Variants in SNX1 observed in about 807,000 individuals in gnomAD.
The protein encoded by SNX1 is sorting nexin-1.
A neutral mutation model predicts 71.8 loss-of-function variants in SNX1; 36 were observed. The ratio of observed to expected loss-of-function variants is 0.50; its 90% confidence interval spans 0.38 to 0.66. SNX1 has a LOEUF of 0.66. Ranked by LOEUF, SNX1 falls within the 30% of genes least tolerant of loss-of-function variation. The pLI, the probability that SNX1 is intolerant of heterozygous loss-of-function variation, is 0.00. For synonymous variants in SNX1, 254 were observed against 240.7 expected (o/e 1.06, Z -0.51); for missense variants, 612 against 646.7 (o/e 0.95, Z 0.58).
chr15:64,127,274 T>C, intron 7 of SNX1, 22 bp downstream of exon 7: 1 of 1,583,580 alleles, frequency 6.3e-7, no homozygotes, highest in Non-Finnish European at 8.6e-7. Context: ...GCAGCCATTT[T>C]CCTGAATAAT....
intron 3 of SNX1, 87 bp from the exon 4 acceptor site, chr15:64,118,701 A>G: frequency 1.1e-6 from 1 of 948,202 alleles, no homozygotes; most frequent in Non-Finnish European, 1.7e-6. Flanking sequence ...TCTTGATTTT[A>G]TTAGATTGGT....
intron 1 of SNX1, among the ~76,000 whole-genome samples, chr15:64,101,615 T>C (rs985239586): frequency 3.9e-5 from 6 of 152,250 alleles, no homozygotes; most frequent in African/African-American, 1.4e-4. Context: ...CTTTTGGATA[T>C]ATATCCAGAA....
intron 4 of SNX1, among the ~76,000 whole-genome samples, chr15:64,120,062 G>A (rs2140146504): frequency 6.6e-6 from 1 of 152,236 alleles, no homozygotes; most frequent in South Asian, 2.1e-4. Flanking sequence ...TACCAAGCTT[G>A]CAAGAGTTAT....
intron 1 of SNX1, among the ~76,000 whole-genome samples, chr15:64,100,126 T>C (rs1462142061): frequency 1.3e-5 from 2 of 152,238 alleles, no homozygotes; most frequent in Non-Finnish European, 2.9e-5. Flanking sequence ...AAGTTAAAAC[T>C]AATTTATGGT....
rs1239866328 is a variant in SNX1 at position 64,137,836 on chromosome 15, A to T, written c.*218A>T. 7.1e-7 allele frequency: 1 copy of T among 1,415,772 alleles called. No homozygotes were observed. Among genetic ancestry groups the T allele is most frequent in the Non-Finnish European group, 9.2e-7 (1 of 1,088,020 alleles). The allele number at this position is 1,415,772 out of a possible 1,614,324, so 87.7% of individuals were successfully genotyped here. ...AAGAGAATAGTTTCCTGCTTTAAGC[A>T]AAAGACCTACAATAGGTGGTGGAAT... On this transcript the variant is annotated 3_prime_UTR_variant, in exon 15 of 15. Coordinates refer to ENST00000559844, the MANE Select transcript of SNX1 (RefSeq NM_003099.5).
At position 64,117,291 on chromosome 15, in the gene SNX1, G is replaced by A. The variant is rs2081139603; in HGVS notation, c.272-826G>A. ...TTTTTTGGAGACAGAGTCTCCCTCTGTTGCCCAGGCTGAAGTGCAGTGGCG... is the reference window on the plus strand; with the variant it reads ...TTTTTTGGAGACAGAGTCTCCCTCTATTGCCCAGGCTGAAGTGCAGTGGCG... On this transcript the variant is annotated intron_variant, in intron 2 of 14. Coordinates refer to ENST00000559844, the MANE Select transcript of SNX1 (RefSeq NM_003099.5). Among the ~76,000 whole-genome samples the A allele has an allele frequency of 2.0e-5, 3 of 152,006 alleles. No homozygotes were observed. In the South Asian group the frequency reaches 6.2e-4, roughly 32 times the overall value.
Position 64,127,379 on chromosome 15 carries a change from C to A in SNX1, c.731+127C>A, listed in dbSNP as rs866493088. ...GTGAATAAATTGAAGTTGCACACCT[C>A]CATATTATCTCTTAACTTTTCCTGA... On this transcript the variant is annotated intron_variant, in intron 7 of 14. Coordinates refer to ENST00000559844, the MANE Select transcript of SNX1 (RefSeq NM_003099.5). 1.0e-4 allele frequency: 72 copies of A among 711,610 alleles called. No homozygotes were observed. In the African/African-American group the frequency reaches 1.2e-3, roughly 12 times the overall value. The allele number at this position is 711,610 out of a possible 1,614,324, so 44.1% of individuals were successfully genotyped here.
rs1233558365 is a variant in SNX1, at chr15:64,138,240, G to A, written c.*622G>A. ...GTATTCCCACTTCTTTAGGGAAGGA[G>A]TTTTAAAAACATCTCTTAAAATAAG... On this transcript the variant is annotated 3_prime_UTR_variant, in exon 15 of 15. Coordinates refer to ENST00000559844, the MANE Select transcript of SNX1 (RefSeq NM_003099.5). The A allele has an allele frequency of 7.6e-6, 11 of 1,443,898 alleles. No homozygotes were observed. The Admixed American group carries it at 3.2e-4, about 42-fold the overall frequency. The allele number at this position is 1,443,898 out of a possible 1,614,324, so 89.4% of individuals were successfully genotyped here.
chr15:64,143,742 TATAAG>T lies in SNX1; in HGVS notation c.*6125_*6129del, dbSNP rs1191467635. On this transcript the variant is annotated 3_prime_UTR_variant, in exon 15 of 15. Transcript: ENST00000559844. ...CATTTTCCAATGCCCTAGATGGGAATATAAGTGTAAGGAGATGTGAAGCATTTGCC... is the reference window on the plus strand; with the variant it reads ...CATTTTCCAATGCCCTAGATGGGAATTGTAAGGAGATGTGAAGCATTTGCC... 6.6e-6 allele frequency: 1 copy of T among 152,204 alleles called. No individual in the cohort carries two copies. The highest frequency in any genetic ancestry group is 1.5e-5 in the Non-Finnish European group (1 of 68,034). The allele number at this position is 152,204 out of a possible 1,614,324, so 9.4% of individuals were successfully genotyped here.
chr15:64,133,416 T>A (rs1036112333), intron 11 of SNX1, among the ~76,000 whole-genome samples: 2 of 152,228 alleles, frequency 1.3e-5, no homozygotes, highest in African/African-American at 4.8e-5. Context: ...CAAAAGCCTG[T>A]GCTGAGGAGG....
In SNX1 at chr15:64,138,323, CTCTTTTTT is replaced by C. The variant is rs2081382597; in HGVS notation, c.*707_*714del. 2.9e-6 allele frequency: 2 copies of C among 692,142 alleles called. No homozygotes were observed. The highest frequency in any genetic ancestry group is 4.2e-5 in the African/African-American group (2 of 47,084). The allele number at this position is 692,142 out of a possible 1,614,324, so 42.9% of individuals were successfully genotyped here. A position where few individuals can be genotyped will look rare whatever the true frequency, so the allele number is the denominator to read the frequency against. On this transcript the variant is annotated 3_prime_UTR_variant, in exon 15 of 15. Transcript: ENST00000559844. ...CAAAGGAGGCAGAGACTTTCTCTCT[CTCTTTTTT>C]TTTTTTTTTTGGTGTCCCTATCATT...
intron 10 of SNX1, 95 bp from the exon 11 acceptor site, chr15:64,131,592 G>T: frequency 1.7e-6 from 2 of 1,145,394 alleles, no homozygotes; most frequent in African/African-American, 1.5e-5. Context: ...ATATGCAGTG[G>T]GCGGCATTGC....
At chr15:64,105,197 G>A (rs947487592) in intron 1 of SNX1, among the ~76,000 whole-genome samples, 2 of 148,810 alleles carry the variant, frequency 1.3e-5, no homozygotes, top group Non-Finnish European at 3.0e-5. Context: ...CCAGCCTGGG[G>A]GATACAGCGA....
intron 1 of SNX1, among the ~76,000 whole-genome samples, chr15:64,099,148 A>G (rs1416059020): frequency 6.6e-6 from 1 of 152,212 alleles, no homozygotes; most frequent in African/African-American, 2.4e-5. Context: ...AGTAATTAAG[A>G]GTGTGGGCTT....
chr15:64,114,040 G>T (rs2081105010), intron 2 of SNX1, among the ~76,000 whole-genome samples: 1 of 152,192 alleles, frequency 6.6e-6, no homozygotes, highest in African/African-American at 2.4e-5. Context: ...AAACAGATTT[G>T]GGAGGACCTT....
chr15:64,113,058 A>G (rs1357491809), intron 2 of SNX1, among the ~76,000 whole-genome samples: 1 of 152,218 alleles, frequency 6.6e-6, no homozygotes, highest in East Asian at 1.9e-4. Context: ...TGGTGTCATA[A>G]TCCAAAAATG....
intron 1 of SNX1, among the ~76,000 whole-genome samples, chr15:64,109,303 CAG>C (rs2081054501): frequency 6.7e-6 from 1 of 149,858 alleles, no homozygotes; most frequent in Non-Finnish European, 1.5e-5. Context: ...ACCCGGGTAA[CAG>C]AGGTTGCAGT....
chr15:64,113,339 C>T (rs1007440708), intron 2 of SNX1, among the ~76,000 whole-genome samples: 1 of 151,944 alleles, frequency 6.6e-6, no homozygotes, highest in African/African-American at 2.4e-5. Flanking sequence ...GTGCTTTTGC[C>T]CCCCAGAAGA....
chr15:64,115,873 T>C (rs1408722206), intron 2 of SNX1, among the ~76,000 whole-genome samples: 1 of 152,260 alleles, frequency 6.6e-6, no homozygotes, highest in African/African-American at 2.4e-5. Context: ...CAAACATGTT[T>C]GTTAACTGAA....
Sources: allele counts gnomAD v4.1 joint callset (sites outside exome capture counted in the v4.1 genomes callset), GRCh38; gene constraint gnomAD v4.1.1; transcripts MANE v1.5; gene names NCBI Gene and HGNC (gene_info 2026-07-23, HGNC 2026-07-21).